The following EPHB2 variants were observed in gnomAD, a reference collection of about 807,000 sequenced individuals.
The protein encoded by EPHB2 is ephrin type-B receptor 2.
A neutral mutation model predicts 96.4 loss-of-function variants in EPHB2; 18 were observed. The observed-to-expected ratio is 0.19, with a 90% CI of 0.13 to 0.28. The LOEUF (loss-of-function observed/expected upper bound fraction) is 0.28, where lower values mean the gene tolerates loss of function less well. EPHB2 is among the 10% of genes least tolerant of loss of function. The pLI, the probability that EPHB2 is intolerant of heterozygous loss-of-function variation, is 1.00. For synonymous variants in EPHB2, 506 were observed against 534.1 expected, an observed-to-expected ratio of 0.95 and a Z score of 0.72; for missense variants, 989 against 1,355.4, an observed-to-expected ratio of 0.73 and a Z score of 4.25.
At chr1:22,721,678 G>A (rs565724775) in intron 1 of EPHB2, among the ~76,000 whole-genome samples, 15 of 151,966 alleles carry the variant, frequency 9.9e-5, no homozygotes, top group South Asian at 2.1e-4. Context: ...GTGCAGTGAC[G>A]CAATCGCAGC....
chr1:22,896,056 T>C lies in EPHB2; in HGVS notation c.1701-358T>C, dbSNP rs563878243. ...CCAGTTCCTTGACTTCTGCTGGGTATAATGCAAAGAAAGATTCTCTTCTTC... is the reference window on the plus strand; with the variant it reads ...CCAGTTCCTTGACTTCTGCTGGGTACAATGCAAAGAAAGATTCTCTTCTTC... On this transcript the variant is annotated intron_variant, in intron 8 of 15. Transcript: ENST00000374630. Among the ~76,000 whole-genome samples, 9 of 152,348 alleles carry C rather than the reference T, an allele frequency of 5.9e-5. 1 individual carries two copies. Among genetic ancestry groups the C allele is most frequent in the African/African-American group, 2.2e-4 (9 of 41,576 alleles).
At chr1:22,811,762 G>T (rs1645005221) in intron 3 of EPHB2, among the ~76,000 whole-genome samples, 1 of 152,244 alleles carries the variant, frequency 6.6e-6, no homozygotes, top group Non-Finnish European at 1.5e-5. Context: ...CCCTTGGCCG[G>T]GGGCAGTGGC....
intron 9 of EPHB2, among the ~76,000 whole-genome samples, chr1:22,898,343 A>G (rs543428810): frequency 6.6e-5 from 10 of 152,232 alleles, no homozygotes; most frequent in Admixed American, 5.9e-4. Flanking sequence ...ACAAAGATAC[A>G]GAGGAGCTGA....
At chr1:22,754,506 A>G (rs2148384229) in intron 1 of EPHB2, among the ~76,000 whole-genome samples, 1 of 151,932 alleles carries the variant, frequency 6.6e-6, no homozygotes, top group East Asian at 2.0e-4. Context: ...AAGGGAGGAC[A>G]CCTGAGACCA....
intron 1 of EPHB2, among the ~76,000 whole-genome samples, chr1:22,716,427 G>A (rs951610069): frequency 6.6e-6 from 1 of 152,088 alleles, no homozygotes; most frequent in East Asian, 1.9e-4. Context: ...CGCCTCCCGG[G>A]TTCAAGCCAT....
chr1:22,916,979 T>C lies in EPHB2; in HGVS notation c.*3409T>C, dbSNP rs1640286838. The C allele has an allele frequency of 6.6e-6, 1 of 152,166 alleles. No homozygotes were observed. Among genetic ancestry groups the C allele is most frequent in the Non-Finnish European group, 1.5e-5 (1 of 68,064 alleles). The allele number at this position is 152,166 out of a possible 1,614,324, so 9.4% of individuals were successfully genotyped here. A position where few individuals can be genotyped will look rare whatever the true frequency, so the allele number is the denominator to read the frequency against. The stretch of plus-strand genomic sequence containing the variant: ...TATCCAAAATATCAACTGCGAAGAC[T>C]CGGGCAGACCAATCAGAATAGATGA... On this transcript the variant is annotated 3_prime_UTR_variant, in exon 16 of 16. Coordinates refer to ENST00000374630, the MANE Select transcript of EPHB2 (RefSeq NM_017449.5). The surrounding 1 kb of genome is among the most constrained non-coding windows in gnomAD (Gnocchi z 4.2).
chr1:22,791,486 T>G (rs1570282794), intron 3 of EPHB2, among the ~76,000 whole-genome samples: 1 of 145,672 alleles, frequency 6.9e-6, no homozygotes, highest in South Asian at 2.2e-4. Context: ...TTTTTTTTTT[T>G]TTTTCCTTTC....
chr1:22,876,473 T>C (rs1002434), intron 5 of EPHB2, among the ~76,000 whole-genome samples: 138,233 of 152,142 alleles, frequency 0.91, 64,218 homozygotes, highest in East Asian at 1. Flanking sequence ...TGAACTCCCC[T>C]CTGGGGTTCA....
intron 6 of EPHB2, among the ~76,000 whole-genome samples, chr1:22,885,483 C>A (rs908836303): frequency 4.6e-5 from 7 of 152,256 alleles, no homozygotes; most frequent in African/African-American, 1.7e-4. Context: ...CCAAGGTTAC[C>A]ATCTGCTCAC....
chr1:22,847,083 C>T (rs1434677848), intron 3 of EPHB2, among the ~76,000 whole-genome samples: 22 of 152,208 alleles, frequency 1.4e-4, no homozygotes, highest in Admixed American at 1.2e-3. Context: ...TACTCAGCCC[C>T]GCAGAACCTC....
chr1:22,892,879 G>A lies in EPHB2; in HGVS notation c.1429-5G>A, dbSNP rs200675482. Reference sequence around the variant, plus strand: ...TCACTAATTTTCTTCTCTGTTCCTCGGCAGGAGCTCAGTGAGTACAACGCC... The same window carrying A: ...TCACTAATTTTCTTCTCTGTTCCTCAGCAGGAGCTCAGTGAGTACAACGCC... On this transcript the variant is annotated splice_polypyrimidine_tract_variant and splice_region_variant and intron_variant, in intron 6 of 15. Coordinates refer to ENST00000374630, the MANE Select transcript of EPHB2 (RefSeq NM_017449.5). 186 of 1,614,140 alleles carry A rather than the reference G, an allele frequency of 1.2e-4. No homozygotes were observed. Among genetic ancestry groups the A allele is most frequent in the South Asian group, 1.1e-3 (104 of 91,066 alleles).
At chr1:22,806,645 G>A (rs141858964) in intron 3 of EPHB2, among the ~76,000 whole-genome samples, 248 of 152,286 alleles carry the variant, frequency 1.6e-3, no homozygotes, top group African/African-American at 5.3e-3. Flanking sequence ...TCCCACCCCC[G>A]CCAGGCAGGT....
At chr1:22,855,852 C>T (rs1160643919) in intron 3 of EPHB2, among the ~76,000 whole-genome samples, 2 of 152,174 alleles carry the variant, frequency 1.3e-5, no homozygotes, top group Non-Finnish European at 2.9e-5. Flanking sequence ...CATGGTCACA[C>T]AGTTAATGAG....
Position 22,897,100 on chromosome 1 carries a change from C to G in EPHB2, c.1765+622C>G, listed in dbSNP as rs11581391. ...GTGACTCCTCTGGTGGCCTCTTCCC[C>G]TTACCCAGTGCCCTCATTTCTCCCA... On this transcript the variant is annotated intron_variant, in intron 9 of 15. Transcript: ENST00000374630. Among the ~76,000 whole-genome samples the G allele has an allele frequency of 6.8e-3, 1,036 of 152,284 alleles. 14 individuals are homozygous for G. The highest frequency in any genetic ancestry group is 0.05 in the East Asian group (257 of 5,160).
At chr1:22,809,259 C>T (rs954664047) in intron 3 of EPHB2, among the ~76,000 whole-genome samples, 2 of 152,184 alleles carry the variant, frequency 1.3e-5, no homozygotes, top group Non-Finnish European at 2.9e-5. Flanking sequence ...ACGAGCTGCT[C>T]CCCGGCAATT....
intron 9 of EPHB2, among the ~76,000 whole-genome samples, chr1:22,898,785 T>C (rs1359506149): frequency 6.6e-6 from 1 of 152,146 alleles, no homozygotes; most frequent in Non-Finnish European, 1.5e-5. Context: ...TTCTGACATA[T>C]TTCAAAAGCA....
At chr1:22,785,462 A>T (rs2817900) in intron 3 of EPHB2, among the ~76,000 whole-genome samples, 45,865 of 152,198 alleles carry the variant, frequency 0.3, 7,405 homozygotes, top group East Asian at 0.6. Context: ...AAGTTAACAT[A>T]TTTTGAGCTT....
chr1:22,894,881 A>G (rs1226941604), intron 7 of EPHB2, among the ~76,000 whole-genome samples: 1 of 151,340 alleles, frequency 6.6e-6, no homozygotes, highest in Non-Finnish European at 1.5e-5. Context: ...TACTTAGCAC[A>G]GTGAGTGACA....
rs1421332211 is a variant in EPHB2, at chr1:22,860,384, T to C, written c.812-2653T>C. On this transcript the variant is annotated intron_variant, in intron 3 of 15. Transcript: ENST00000374630. This position sits in a 1 kb window ranked among gnomAD's most constrained non-coding sequence, Gnocchi z 4.6. ...TGCCACTTCCCAGGGCAGAGAAGAG[T>C]GAGTTTCATGAAGCAGTGCCATAGA... 1.3e-5 allele frequency among the ~76,000 whole-genome samples: 2 copies of C among 150,442 alleles called. No individual in the cohort carries two copies. The highest frequency in any genetic ancestry group is 3.0e-5 in the Non-Finnish European group (2 of 67,644).
Sources: allele counts gnomAD v4.1 joint callset (sites outside exome capture counted in the v4.1 genomes callset), GRCh38; gene constraint gnomAD v4.1.1; non-coding constraint Gnocchi (gnomAD v3.1); transcripts MANE v1.5; gene names NCBI Gene and HGNC (gene_info 2026-07-23, HGNC 2026-07-21).